Variants in BACH2 observed in about 807,000 individuals in gnomAD.
The protein encoded by BACH2 is BACH transcriptional regulator 2.
Under a neutral mutation model 61.8 loss-of-function variants are expected in BACH2, and 5 were observed. The observed-to-expected ratio is 0.08, with a 90% CI of 0.04 to 0.17. The LOEUF (loss-of-function observed/expected upper bound fraction) is 0.17, where lower values mean the gene tolerates loss of function less well. Ranked by LOEUF, BACH2 falls within the 10% of genes least tolerant of loss-of-function variation. The pLI is 1.00. For missense variants in BACH2, 824 were observed against 1,091.1 expected, an observed-to-expected ratio of 0.76 and a Z score of 3.45; for synonymous variants, 446 against 440.1, an observed-to-expected ratio of 1.01 and a Z score of -0.17.
chr6:90,096,352 G>A (rs1299092317), intron 4 of BACH2, among the ~76,000 whole-genome samples: 1 of 152,138 alleles, frequency 6.6e-6, no homozygotes, highest in African/African-American at 2.4e-5. Context: ...TATGTCACTT[G>A]CAGAGACACT....
intron 4 of BACH2, among the ~76,000 whole-genome samples, chr6:90,176,469 G>A (rs1326130344): frequency 6.6e-6 from 1 of 152,154 alleles, no homozygotes; most frequent in Non-Finnish European, 1.5e-5. Context: ...AGCTTAAGGT[G>A]CCTAACAGAG....
At chr6:90,264,852 G>C (rs1271259508) in intron 2 of BACH2, among the ~76,000 whole-genome samples, 1 of 152,156 alleles carries the variant, frequency 6.6e-6, no homozygotes, top group Non-Finnish European at 1.5e-5. Context: ...TGAGAGGTTG[G>C]AGGTAGATTC....
intron 5 of BACH2, among the ~76,000 whole-genome samples, chr6:90,075,726 A>T (rs1207892611): frequency 6.6e-6 from 1 of 152,188 alleles, no homozygotes; most frequent in Non-Finnish European, 1.5e-5. Context: ...TCTCTCTGTT[A>T]ACTGATCAGA....
intron 4 of BACH2, among the ~76,000 whole-genome samples, chr6:90,184,943 C>T (rs966047155): frequency 2.0e-5 from 3 of 152,158 alleles, no homozygotes; most frequent in Non-Finnish European, 4.4e-5. Flanking sequence ...ATGTTAGCTC[C>T]ATGGCCTGTG....
chr6:89,967,368 A>T (rs1041326753), intron 6 of BACH2, among the ~76,000 whole-genome samples: 6 of 152,188 alleles, frequency 3.9e-5, no homozygotes, highest in Non-Finnish European at 1.5e-5. Flanking sequence ...TGGGTGAATC[A>T]AACTATTTCT....
At chr6:89,992,618 G>A (rs1399308499) in intron 6 of BACH2, among the ~76,000 whole-genome samples, 1 of 152,058 alleles carries the variant, frequency 6.6e-6, no homozygotes, top group Non-Finnish European at 1.5e-5. Flanking sequence ...CTCCAGCCTG[G>A]GCAACAAGAG....
intron 3 of BACH2, among the ~76,000 whole-genome samples, chr6:90,242,499 T>A (rs566042413): frequency 6.6e-6 from 1 of 152,334 alleles, no homozygotes; most frequent in Admixed American, 6.5e-5. Context: ...AAGGATCCCT[T>A]AGTTGCTTCC....
At chr6:90,125,085 A>G (rs1433425328) in intron 4 of BACH2, among the ~76,000 whole-genome samples, 4 of 152,234 alleles carry the variant, frequency 2.6e-5, no homozygotes, top group Admixed American at 2.6e-4. Context: ...GTTGTTTAAA[A>G]TAACAGTTAT....
chr6:89,975,039 G>A (rs986497320), intron 6 of BACH2, among the ~76,000 whole-genome samples: 10 of 152,144 alleles, frequency 6.6e-5, no homozygotes, highest in African/African-American at 2.2e-4. Context: ...CACAGCTGTA[G>A]CGAGCCAGGA....
intron 1 of BACH2, among the ~76,000 whole-genome samples, chr6:90,276,026 AC>A (rs1388385949): frequency 6.6e-6 from 1 of 152,214 alleles, no homozygotes; most frequent in African/African-American, 2.4e-5. Context: ...TAACTTTTAA[AC>A]CTACTTTCAT....
At chr6:90,069,103 G>A (rs183420603) in intron 5 of BACH2, among the ~76,000 whole-genome samples, 1 of 152,258 alleles carries the variant, frequency 6.6e-6, no homozygotes, top group East Asian at 1.9e-4. Flanking sequence ...ACAGATGAAT[G>A]AGCCACAGTT....
chr6:90,245,512 T>C (rs1210586232), intron 3 of BACH2, among the ~76,000 whole-genome samples: 1 of 152,238 alleles, frequency 6.6e-6, no homozygotes, highest in African/African-American at 2.4e-5. Flanking sequence ...GCCAGTGAAC[T>C]GTGACGGTGG....
intron 5 of BACH2, among the ~76,000 whole-genome samples, chr6:90,015,463 A>G (rs1041539159): frequency 6.6e-6 from 1 of 152,144 alleles, no homozygotes; most frequent in Non-Finnish European, 1.5e-5. Flanking sequence ...AAATTTTGAA[A>G]TGTTTAATTT....
intron 5 of BACH2, among the ~76,000 whole-genome samples, chr6:90,039,179 C>T (rs1206804662): frequency 6.6e-6 from 1 of 152,120 alleles, no homozygotes; most frequent in Non-Finnish European, 1.5e-5. Context: ...ATAACCAATT[C>T]TCTATTGGCA....
intron 4 of BACH2, among the ~76,000 whole-genome samples, chr6:90,138,022 C>G (rs951885928): frequency 6.6e-6 from 1 of 151,714 alleles, no homozygotes; most frequent in Non-Finnish European, 1.5e-5. Flanking sequence ...AGCCCTAATA[C>G]TCTATGAGAT....
intron 1 of BACH2, among the ~76,000 whole-genome samples, chr6:90,284,518 T>G (rs1771959476): frequency 6.6e-6 from 1 of 152,224 alleles, no homozygotes; most frequent in Non-Finnish European, 1.5e-5. Context: ...CACCAGTATT[T>G]TCCTTTCTGC....
intron 1 of BACH2, among the ~76,000 whole-genome samples, chr6:90,293,573 G>C (rs1256212029): frequency 6.6e-6 from 1 of 152,212 alleles, no homozygotes; most frequent in Non-Finnish European, 1.5e-5. Context: ...TGAAGGGCTG[G>C]CCTAGGAGAG....
chr6:90,035,058 G>A (rs1192919412), intron 5 of BACH2, among the ~76,000 whole-genome samples: 1 of 152,048 alleles, frequency 6.6e-6, no homozygotes, highest in Non-Finnish European at 1.5e-5. Context: ...ATGTATACCT[G>A]TATAATTACC....
At chr6:90,295,852 T>G (rs1772344616) in intron 1 of BACH2, among the ~76,000 whole-genome samples, 1 of 152,072 alleles carries the variant, frequency 6.6e-6, no homozygotes. Context: ...GCTCGCCTCT[T>G]CCTGCGACCC....
Sources: gnomAD v4.1 joint callset for allele counts (sites outside exome capture counted in the v4.1 genomes callset) on GRCh38, gnomAD v4.1.1 for gene constraint, MANE v1.5 for transcripts, NCBI Gene and HGNC (gene_info 2026-07-23, HGNC 2026-07-21) for gene names.